Variants in PDXDC1 observed in about 807,000 individuals in gnomAD.
PDXDC1 encodes pyridoxal dependent decarboxylase domain containing 1.
A neutral mutation model predicts 100.1 loss-of-function variants in PDXDC1; 42 were observed. That is an observed-to-expected ratio of 0.42 (90% CI 0.33 to 0.54). PDXDC1 has a LOEUF of 0.54. Ranked by LOEUF, PDXDC1 falls within the 20% of genes least tolerant of loss-of-function variation. PDXDC1 has a pLI of 0.10. For missense variants in PDXDC1, 636 were observed against 979.2 expected (o/e 0.65, Z 4.68); for synonymous variants, 260 against 371.7 (o/e 0.70, Z 3.46).
chr16:15,047,376 C>A (rs2044117323), intron 16 of PDXDC1: 2 of 1,052,738 alleles, frequency 1.9e-6, no homozygotes, highest in Admixed American at 1.7e-5. Flanking sequence ...ACAGCTTCCA[C>A]AGCCACGTCC....
chr16:15,006,678 C>T (rs565106104), intron 6 of PDXDC1, 95 bp downstream of exon 6: 2 of 1,252,134 alleles, frequency 1.6e-6, no homozygotes, highest in East Asian at 2.6e-5. Context: ...GCTGTTCTTG[C>T]TGAGTGAAAA....
chr16:15,067,522 A>G (rs1264357381), intron 16 of PDXDC1, among the ~76,000 whole-genome samples: 2 of 139,362 alleles, frequency 1.4e-5, no homozygotes, highest in Non-Finnish European at 3.2e-5. Context: ...GACCTGAGAG[A>G]ACAGAACTCT....
intron 16 of PDXDC1, chr16:15,060,144 C>A: frequency 2.5e-6 from 1 of 407,692 alleles, no homozygotes; most frequent in Non-Finnish European, 4.8e-6. Context: ...ATTAAACAGA[C>A]TTATATGTAA....
At chr16:15,068,177 T>C in intron 16 of PDXDC1, 13 of 1,578,748 alleles carry the variant, frequency 8.2e-6, no homozygotes, top group Non-Finnish European at 1.1e-5. Flanking sequence ...ACTTTGTGAT[T>C]GCAGCAAAAA....
At chr16:15,022,068 T>C (rs1283594409) in intron 12 of PDXDC1, among the ~76,000 whole-genome samples, 3 of 152,298 alleles carry the variant, frequency 2.0e-5, no homozygotes, top group Non-Finnish European at 4.4e-5. Flanking sequence ...TGAATTAATA[T>C]ACTCCAATCC....
chr16:15,098,632 A>G (rs891965427), intron 16 of PDXDC1, among the ~76,000 whole-genome samples: 4 of 151,920 alleles, frequency 2.6e-5, no homozygotes, highest in African/African-American at 9.7e-5. Flanking sequence ...TAATCCCAGC[A>G]CTTTTGGAGG....
At chr16:15,142,627 C>T (rs1182363287), downstream of PDXDC1, among the ~76,000 whole-genome samples, 2 of 152,140 alleles carry the variant, frequency 1.3e-5, no homozygotes. Flanking sequence ...GTACAGGGAT[C>T]CCCGTGGAGT....
At chr16:15,108,082 CTCCT>C (rs2046877875) in intron 16 of PDXDC1, 1 of 918,014 alleles carries the variant, frequency 1.1e-6, no homozygotes, top group African/African-American at 1.8e-5. Flanking sequence ...ATCGGAATGG[CTCCT>C]AAGTCAGGGT....
At position 15,036,276 on chromosome 16, in the gene PDXDC1, G is replaced by A. The variant is rs377432211; in HGVS notation, c.*1G>A. On this transcript the variant is annotated 3_prime_UTR_variant, in exon 23 of 23. Transcript: ENST00000396410. Reference sequence around the variant, plus strand: ...AGAAGGACCGGAGAGCTTAAGATGAGACTCATTGTGTGGTTTGAGACTGTA... The same window carrying A: ...AGAAGGACCGGAGAGCTTAAGATGAAACTCATTGTGTGGTTTGAGACTGTA... 16 of 1,612,618 alleles carry A rather than the reference G, an allele frequency of 9.9e-6. No individual in the cohort carries two copies. Among genetic ancestry groups the A allele is most frequent in the Non-Finnish European group, 1.3e-5 (15 of 1,179,140 alleles).
intron 1 of PDXDC1, among the ~76,000 whole-genome samples, chr16:14,982,987 T>C (rs1157706501): frequency 1.3e-5 from 2 of 152,290 alleles, no homozygotes; most frequent in Non-Finnish European, 2.9e-5. Flanking sequence ...TTGCTTTTTA[T>C]CTCAGCCGAA....
chr16:15,077,111 C>G (rs1281488420), intron 16 of PDXDC1, among the ~76,000 whole-genome samples: 1 of 151,782 alleles, frequency 6.6e-6, no homozygotes, highest in Non-Finnish European at 1.5e-5. Flanking sequence ...TCCCGAGTAG[C>G]TGGGATTACA....
chr16:15,144,901 C>T, the PDXDC1 span, among the ~76,000 whole-genome samples: 3 of 152,152 alleles, frequency 2.0e-5, no homozygotes, highest in Non-Finnish European at 4.4e-5. Context: ...CCGCTGGGGT[C>T]GGGGCCACCC....
intron 13 of PDXDC1, chr16:15,025,809 A>G (rs2042553208): frequency 6.6e-6 from 1 of 152,606 alleles, no homozygotes; most frequent in Non-Finnish European, 1.5e-5. Flanking sequence ...ATGGATGCTT[A>G]CGGTACCCTG....
chr16:15,090,224 A>G (rs2046078123), intron 16 of PDXDC1, among the ~76,000 whole-genome samples: 1 of 152,012 alleles, frequency 6.6e-6, no homozygotes, highest in African/African-American at 2.4e-5. Context: ...AAAAAAGTCC[A>G]CTGAAATCAG....
chr16:15,125,491 C>T, intron 16 of PDXDC1: 4 of 1,225,500 alleles, frequency 3.3e-6, no homozygotes, highest in East Asian at 2.3e-5. Context: ...CCCGCACACC[C>T]CCGGTACTCC....
chr16:15,062,159 G>C (rs560423204), intron 16 of PDXDC1, among the ~76,000 whole-genome samples: 3 of 152,254 alleles, frequency 2.0e-5, no homozygotes, highest in African/African-American at 4.8e-5. Flanking sequence ...TAGAAAAACA[G>C]AACAGAACAA....
rs567059973 is a variant in PDXDC1 at position 15,127,563 on chromosome 16, G to A, written c.1400-11316G>A. 1.3e-4 allele frequency: 163 copies of A among 1,289,932 alleles called. 1 individual carries two copies. In the East Asian group the frequency reaches 3.1e-3, roughly 25 times the overall value. The allele number at this position is 1,289,932 out of a possible 1,614,324, so 79.9% of individuals were successfully genotyped here. The stretch of plus-strand genomic sequence containing the variant: ...CCAGGCCAACAGCGACTGTGTCGAC[G>A]CTCAGCGGGCTCAGCCTGGACACAT... On this transcript the variant is annotated intron_variant, in intron 16 of 16. Coordinates refer to the PDXDC1 transcript ENST00000535621.
intron 16 of PDXDC1, among the ~76,000 whole-genome samples, chr16:15,129,338 T>A (rs1273651229): frequency 6.6e-6 from 1 of 151,352 alleles, no homozygotes; most frequent in Non-Finnish European, 1.5e-5. Context: ...CTCAGGAGAA[T>A]CGCTTAAGGG....
At chr16:15,042,716 A>ATTT (rs2043870863), downstream of PDXDC1, among the ~76,000 whole-genome samples, 2 of 145,834 alleles carry the variant, frequency 1.4e-5, no homozygotes, top group Non-Finnish European at 3.0e-5. Flanking sequence ...TCAAAGGATG[A>ATTT]ACTATTTATT....
Sources: allele counts gnomAD v4.1 joint callset (sites outside exome capture counted in the v4.1 genomes callset), GRCh38; gene constraint gnomAD v4.1.1; transcripts MANE v1.5; gene names NCBI Gene and HGNC (gene_info 2026-07-23, HGNC 2026-07-21).